Variants in JAKMIP3 observed in about 807,000 individuals in gnomAD.
The protein encoded by JAKMIP3 is Janus kinase and microtubule interacting protein 3, also known as janus kinase and microtubule-interacting protein 3.
JAKMIP3 carries 58 observed loss-of-function variants against 118.5 expected under a neutral mutation model. That is an observed-to-expected ratio of 0.49 (90% CI 0.40 to 0.61). JAKMIP3 has a LOEUF of 0.61. JAKMIP3 is among the 20% of genes least tolerant of loss of function. JAKMIP3 has a pLI of 0.00. For missense variants in JAKMIP3, 950 were observed against 1,109.0 expected (o/e 0.86, Z 2.04); for synonymous variants, 486 against 451.2 (o/e 1.08, Z -0.98).
chr10:132,080,993 T>G (rs761471373), intron 1 of JAKMIP3, among the ~76,000 whole-genome samples: 1 of 152,242 alleles, frequency 6.6e-6, no homozygotes, highest in Non-Finnish European at 1.5e-5. Flanking sequence ...TCTTATTGCC[T>G]CTGCACTGAT....
intron 2 of JAKMIP3, among the ~76,000 whole-genome samples, chr10:132,106,636 G>A (rs1225077828): frequency 6.6e-6 from 1 of 152,218 alleles, no homozygotes; most frequent in Admixed American, 6.5e-5. Flanking sequence ...CCTGCTCTGT[G>A]CCAGGCGCCC....
At chr10:132,159,547 TCC>T (rs2057639138) in intron 19 of JAKMIP3, among the ~76,000 whole-genome samples, 1 of 134,000 alleles carries the variant, frequency 7.5e-6, no homozygotes, top group Admixed American at 7.3e-5. Flanking sequence ...GGAGGGTCTC[TCC>T]CTGTGTGATG....
At chr10:132,105,515 G>A (rs1002644596) in intron 2 of JAKMIP3, among the ~76,000 whole-genome samples, 1 of 150,760 alleles carries the variant, frequency 6.6e-6, no homozygotes, top group Middle Eastern at 3.4e-3. Context: ...AGATTGGGCT[G>A]TGCTGAGCTG....
At chr10:132,139,970 G>A (rs2053150608) in intron 9 of JAKMIP3, among the ~76,000 whole-genome samples, 1 of 152,164 alleles carries the variant, frequency 6.6e-6, no homozygotes, top group Non-Finnish European at 1.5e-5. Context: ...GCAGACGTCG[G>A]GGTGAACCTG....
chr10:132,136,014 T>C lies in JAKMIP3; in HGVS notation c.1054T>C (p.Ser352Pro). Residue 352 changes from serine (S) to proline (P), a missense_variant, in exon 6 of 24, where the codon TCT becomes CCT. By Grantham distance (74) the Ser-to-Pro change is moderately conservative. Coordinates refer to ENST00000684848, the MANE Select transcript of JAKMIP3 (RefSeq NM_001323087.2). ...CCTCAGTCGGAAGAACGAGGATTTG[T>C]CTCATGCTTTACGCCGAATGGAAAA... is the stretch of plus-strand genomic sequence containing the variant. Reference protein sequence around the residue: ...KRLSRKNEDLSHALRRMENKL... With the variant: ...KRLSRKNEDLPHALRRMENKL... 2 of 1,613,664 alleles carry C rather than the reference T, an allele frequency of 1.2e-6. No individual in the cohort carries two copies. The highest frequency in any genetic ancestry group is 1.7e-6 in the Non-Finnish European group (2 of 1,179,836).
rs2041121289 is a variant in JAKMIP3 at position 132,078,082 on chromosome 10, G to A, written c.-138+12021G>A. Among the ~76,000 whole-genome samples the A allele has an allele frequency of 2.0e-5, 3 of 152,352 alleles. No individual in the cohort carries two copies. In the South Asian group the frequency reaches 6.2e-4, roughly 32 times the overall value. ...ACGTCTTGGCCTCCCAAAGTGCTGGGATTACAGGTGTGAGCCACCTCACCC... is the reference window on the plus strand; with the variant it reads ...ACGTCTTGGCCTCCCAAAGTGCTGGAATTACAGGTGTGAGCCACCTCACCC... On this transcript the variant is annotated intron_variant, in intron 1 of 23. Transcript: ENST00000684848.
chr10:132,067,890 A>C (rs1055918535), intron 1 of JAKMIP3, among the ~76,000 whole-genome samples: 35 of 115,998 alleles, frequency 3.0e-4, no homozygotes, highest in Non-Finnish European at 6.9e-5. Context: ...TGTGGACTGG[A>C]CTGTGGGCTT....
Position 132,180,782 on chromosome 10 carries a change from T to TGTGTGTGTGCGC in JAKMIP3, c.*1104-1574_*1104-1573insTGTGTGTGCGCG, listed in dbSNP as rs1554963508. On this transcript the variant is annotated intron_variant, in intron 23 of 23. Coordinates refer to ENST00000684848, the MANE Select transcript of JAKMIP3 (RefSeq NM_001323087.2). Reference sequence around the variant, plus strand: ...GTGCGTGTGTGTGCGTGTGTGTGTGTGCGCGTATGCATGTGCTGTGAGTGG... The same window carrying TGTGTGTGTGCGC: ...GTGCGTGTGTGTGCGTGTGTGTGTGTGTGTGTGTGCGCGCGCGTATGCATGTGCTGTGAGTGG... Among the ~76,000 whole-genome samples the TGTGTGTGTGCGC allele has an allele frequency of 1.8e-4, 11 of 60,626 alleles. 3 individuals are homozygous for TGTGTGTGTGCGC. Among genetic ancestry groups the TGTGTGTGTGCGC allele is most frequent in the African/African-American group, 8.9e-4 (11 of 12,402 alleles). 39.8% of individuals were successfully genotyped at this position (60,626 alleles called of 152,430 possible).
At position 132,112,365 on chromosome 10, in the gene JAKMIP3, G is replaced by A. The variant is rs948041049; in HGVS notation, c.136-4712G>A. On this transcript the variant is annotated intron_variant, in intron 2 of 23. Coordinates refer to ENST00000684848, the MANE Select transcript of JAKMIP3 (RefSeq NM_001323087.2). The surrounding 1 kb of genome is among the most constrained non-coding windows in gnomAD (Gnocchi z 4.3). Reference sequence around the variant, plus strand: ...GGGCTGGGACCTGCCCTGGGCACTCGGCTCGTCAGCTGGGAAGCCCAGAGA... The same window carrying A: ...GGGCTGGGACCTGCCCTGGGCACTCAGCTCGTCAGCTGGGAAGCCCAGAGA... 2.0e-5 allele frequency among the ~76,000 whole-genome samples: 3 copies of A among 152,128 alleles called. No individual in the cohort carries two copies. Among genetic ancestry groups the A allele is most frequent in the Admixed American group, 6.5e-5 (1 of 15,280 alleles).
intron 1 of JAKMIP3, among the ~76,000 whole-genome samples, chr10:132,104,042 GCGTGTGTCC>G (rs1298158780): frequency 6.6e-6 from 1 of 152,184 alleles, no homozygotes; most frequent in African/African-American, 2.4e-5. Context: ...TCCTGTCATA[GCGTGTGTCC>G]GAATCTCCCT....
At chr10:132,138,208 G>A (rs1332082320) in intron 9 of JAKMIP3, 30 bp downstream of exon 9, 3 of 1,580,074 alleles carry the variant, frequency 1.9e-6, no homozygotes, top group African/African-American at 1.4e-5. Flanking sequence ...CACGTGCGGA[G>A]AGTACGCCGG....
chr10:132,092,370 T>A (rs192454052), intron 1 of JAKMIP3, among the ~76,000 whole-genome samples: 2 of 152,366 alleles, frequency 1.3e-5, no homozygotes, highest in African/African-American at 4.8e-5. Context: ...GTTTTCCAAC[T>A]TGGTTCCATT....
intron 3 of JAKMIP3, among the ~76,000 whole-genome samples, chr10:132,126,254 G>T (rs930245995): frequency 6.6e-6 from 1 of 151,554 alleles, no homozygotes; most frequent in South Asian, 2.1e-4. Flanking sequence ...TTAGCTGCAG[G>T]TTGGTTGGTT....
chr10:132,071,573 T>C (rs1253636538), intron 1 of JAKMIP3, among the ~76,000 whole-genome samples: 1 of 152,222 alleles, frequency 6.6e-6, no homozygotes, highest in African/African-American at 2.4e-5. Flanking sequence ...CCAATATGAT[T>C]GTGAATATCC....
At chr10:132,107,442 C>A (rs188528541) in intron 2 of JAKMIP3, among the ~76,000 whole-genome samples, 1 of 152,320 alleles carries the variant, frequency 6.6e-6, no homozygotes, top group Admixed American at 6.5e-5. Flanking sequence ...CGCTGGGCAC[C>A]CTGCGGGGCA....
intron 1 of JAKMIP3, among the ~76,000 whole-genome samples, chr10:132,100,509 C>T (rs553970886): frequency 6.6e-6 from 1 of 152,284 alleles, no homozygotes; most frequent in South Asian, 2.1e-4. Context: ...ACCCTTGAGA[C>T]TGGATGATTC....
At chr10:132,058,530 C>G (rs572162840) in intron 1 of JAKMIP3, among the ~76,000 whole-genome samples, 1 of 152,208 alleles carries the variant, frequency 6.6e-6, no homozygotes, top group Non-Finnish European at 1.5e-5. Context: ...AGCAGAGAAC[C>G]CTCCTCCCCG....
intron 23 of JAKMIP3, among the ~76,000 whole-genome samples, chr10:132,174,945 G>A (rs1565009352): frequency 6.6e-6 from 1 of 152,056 alleles, no homozygotes; most frequent in Non-Finnish European, 1.5e-5. Context: ...GCCCATTTTT[G>A]TATTGGGTTG....
At chr10:132,130,739 G>A (rs2050407815) in intron 3 of JAKMIP3, among the ~76,000 whole-genome samples, 1 of 152,226 alleles carries the variant, frequency 6.6e-6, no homozygotes, top group African/African-American at 2.4e-5. Flanking sequence ...CCTGTGTAGT[G>A]AGCATGCTTC....
Sources: gnomAD v4.1 joint callset for allele counts (sites outside exome capture counted in the v4.1 genomes callset) on GRCh38, gnomAD v4.1.1 for gene constraint, Gnocchi (gnomAD v3.1) non-coding constraint, MANE v1.5 for transcripts, NCBI Gene and HGNC (gene_info 2026-07-23, HGNC 2026-07-21) for gene names.